Variants in PRPH2 observed in about 807,000 individuals in gnomAD.
PRPH2 encodes peripherin-2.
PRPH2 carries 17 observed loss-of-function variants against 31.3 expected under a neutral mutation model. The ratio of observed to expected loss-of-function variants is 0.54; its 90% CI spans 0.37 to 0.81. The LOEUF is 0.81. PRPH2 is among the 40% of genes least tolerant of loss of function. PRPH2 has a pLI of 0.00. For synonymous variants in PRPH2, 165 were observed against 184.4 expected, an observed-to-expected ratio of 0.89 and a Z score of 0.85; for missense variants, 430 against 439.7, an observed-to-expected ratio of 0.98 and a Z score of 0.20.
Position 42,704,533 on chromosome 6 carries a change from C to G in PRPH2, c.660G>C (p.Arg220=). 6.2e-7 allele frequency: 1 copy of G among 1,614,156 alleles called. No homozygotes were observed. The highest frequency in any genetic ancestry group is 1.1e-5 in the South Asian group (1 of 91,078). The change falls in exon 2 of 3, where the codon CGG becomes CGC. Residue 220 remains arginine (R), a synonymous_variant. Coordinates refer to ENST00000230381, the MANE Select transcript of PRPH2 (RefSeq NM_000322.5). ...PFSCCNPSSP[R]PCIQYQITNN... The stretch of plus-strand genomic sequence containing the variant: ...TGGTGATCTGATACTGGATGCAGGG[C>G]CGTGGCGAGCTAGGATTGCAGCAGC...
At chr6:42,716,110 G>A (rs1018248728) in intron 1 of PRPH2, among the ~76,000 whole-genome samples, 4 of 152,202 alleles carry the variant, frequency 2.6e-5, no homozygotes, top group African/African-American at 9.7e-5. Flanking sequence ...TGTCAGAGGA[G>A]GATCCCTGTG....
intron 1 of PRPH2, among the ~76,000 whole-genome samples, chr6:42,706,232 C>G (rs1342274656): frequency 6.6e-6 from 1 of 151,702 alleles, no homozygotes; most frequent in Non-Finnish European, 1.5e-5. Flanking sequence ...GGTGAAACCC[C>G]GTCTCTACTA....
chr6:42,712,677 A>G (rs953375540), intron 1 of PRPH2, among the ~76,000 whole-genome samples: 4 of 151,464 alleles, frequency 2.6e-5, no homozygotes, highest in African/African-American at 9.7e-5. Flanking sequence ...TCAGCTTCCC[A>G]AAGTGCTGGG....
rs1052492384 is a variant in PRPH2 at position 42,698,397 on chromosome 6, C to T, written c.939G>A (p.Pro313=). ...SQGWLLERSV[P]ETWKAFLESV... ...TCTCCAGAAAGGCCTTCCAGGTCTC[C>T]GGCACGCTCCTCTCCAGCAGCCAGC... The change falls in exon 3 of 3, where the codon CCG becomes CCA. Residue 313 remains proline (P), a synonymous_variant. Coordinates refer to ENST00000230381, the MANE Select transcript of PRPH2 (RefSeq NM_000322.5). 1.4e-5 allele frequency: 23 copies of T among 1,613,876 alleles called. No homozygotes were observed. The highest frequency in any genetic ancestry group is 1.9e-5 in the Non-Finnish European group (23 of 1,179,780).
At chr6:42,716,707 G>A (rs369853860) in intron 1 of PRPH2, among the ~76,000 whole-genome samples, 1 of 137,002 alleles carries the variant, frequency 7.3e-6, no homozygotes, top group Non-Finnish European at 1.5e-5. Context: ...TGCAATCTCC[G>A]CCTCCCAGAT....
intron 1 of PRPH2, among the ~76,000 whole-genome samples, chr6:42,707,437 C>T (rs561058073): frequency 6.6e-6 from 1 of 152,174 alleles, no homozygotes; most frequent in East Asian, 1.9e-4. Flanking sequence ...GGTGATCTTG[C>T]CAGATACCTG....
At chr6:42,698,669 C>T (rs1799992275) in intron 2 of PRPH2, among the ~76,000 whole-genome samples, 162 bp from the exon 3 acceptor site, 1 of 152,158 alleles carries the variant, frequency 6.6e-6, no homozygotes, top group Non-Finnish European at 1.5e-5. Context: ...GCCCTGTCCT[C>T]AGTGCTCAAC....
At chr6:42,705,052 A>C (rs1800129238) in intron 1 of PRPH2, among the ~76,000 whole-genome samples, 1 of 152,152 alleles carries the variant, frequency 6.6e-6, no homozygotes, top group African/African-American at 2.4e-5. Flanking sequence ...CTTTCCAGCC[A>C]GGTGTTTCCA....
chr6:42,712,058 C>T (rs770792553), intron 1 of PRPH2: 26 of 724,016 alleles, frequency 3.6e-5, no homozygotes, highest in Admixed American at 1.3e-4. Flanking sequence ...CTGATCCAAC[C>T]ATACCTCGAC....
chr6:42,716,334 A>G (rs1582775280), intron 1 of PRPH2, among the ~76,000 whole-genome samples: 1 of 151,744 alleles, frequency 6.6e-6, no homozygotes, highest in East Asian at 1.9e-4. Flanking sequence ...CTGAGGTGGG[A>G]TGGTTGCTTG....
chr6:42,708,580 C>T (rs1007545813), intron 1 of PRPH2, among the ~76,000 whole-genome samples: 11 of 152,156 alleles, frequency 7.2e-5, no homozygotes, highest in Non-Finnish European at 1.3e-4. Flanking sequence ...CTCCCTTCTT[C>T]CCCCAAGACC....
chr6:42,705,329 G>C (rs1397042782), intron 1 of PRPH2, among the ~76,000 whole-genome samples: 11 of 151,882 alleles, frequency 7.2e-5, no homozygotes, highest in Non-Finnish European at 1.5e-5. Context: ...ACAGTGAAAA[G>C]TCTCCCCTTC....
chr6:42,708,327 C>A (rs1405615155), intron 1 of PRPH2, among the ~76,000 whole-genome samples: 1 of 152,256 alleles, frequency 6.6e-6, no homozygotes, highest in Non-Finnish European at 1.5e-5. Flanking sequence ...CTGCCCACCA[C>A]TCAAAGCCCC....
In PRPH2 at chr6:42,721,926, C is replaced by T. The variant is rs781256236; in HGVS notation, c.409G>A (p.Gly137Ser). ...TCTGTGTCCCGGTAGTACTTCATGCCGTTCTTGAGCCCTTGGCCCAGGGTG... is the reference window on the plus strand; with the variant it reads ...TCTGTGTCCCGGTAGTACTTCATGCTGTTCTTGAGCCCTTGGCCCAGGGTG... Reference protein sequence around the residue: ...ENTLGQGLKNGMKYYRDTDTP... With the variant: ...ENTLGQGLKNSMKYYRDTDTP... Residue 137 changes from glycine to serine, a missense_variant, in exon 1 of 3, where the codon GGC becomes AGC. Coordinates refer to ENST00000230381, the MANE Select transcript of PRPH2 (RefSeq NM_000322.5). 19 of 1,614,056 alleles carry T rather than the reference C, an allele frequency of 1.2e-5. No individual in the cohort carries two copies. Among genetic ancestry groups the T allele is most frequent in the African/African-American group, 2.7e-5 (2 of 74,918 alleles).
At chr6:42,705,599 A>AATATATATATATATATATATATAT (rs1194169404) in intron 1 of PRPH2, among the ~76,000 whole-genome samples, 9 of 21,390 alleles carry the variant, frequency 4.2e-4, no homozygotes, top group East Asian at 1.6e-3. Flanking sequence ...AAAAAAAAAA[A>AATATATATATATATATATATATAT]ATATATATAT....
intron 1 of PRPH2, among the ~76,000 whole-genome samples, chr6:42,713,919 C>CAAAA (rs55805454): frequency 7.9e-5 from 3 of 38,130 alleles, no homozygotes; most frequent in African/African-American, 2.0e-4. Context: ...GACTCCATCT[C>CAAAA]AAAAAAAAAA....
At chr6:42,720,795 G>A (rs565501138) in intron 1 of PRPH2, among the ~76,000 whole-genome samples, 5 of 152,280 alleles carry the variant, frequency 3.3e-5, no homozygotes, top group East Asian at 1.9e-4. Flanking sequence ...GAGGGAAAGC[G>A]GCTGCCTCAA....
chr6:42,704,368 G>C lies in PRPH2; in HGVS notation c.825C>G (p.Phe275Leu). 1 of 1,608,128 alleles carries C rather than the reference G, an allele frequency of 6.2e-7. No individual in the cohort carries two copies. The highest frequency in any genetic ancestry group is 2.2e-5 in the East Asian group (1 of 44,556). ...MGVVTLLIWL[F>L]EVTITIGLRY... is the part of the protein sequence containing the mutation. The stretch of plus-strand genomic sequence containing the variant: ...CCCCAGCTGGCCCAGGGCCTACCTC[G>C]AAGAGCCAAATGAGGAGCGTGACGA... Residue 275 changes from phenylalanine (F) to leucine (L), a missense_variant, in exon 2 of 3, where the codon TTC (phenylalanine) becomes TTG (leucine). Phe to Leu is a conservative substitution (Grantham distance 22, BLOSUM62 0). Transcript: ENST00000230381.
chr6:42,704,325 G>T, intron 2 of PRPH2, 40 bp downstream of exon 2: 2 of 1,593,222 alleles, frequency 1.3e-6, no homozygotes, highest in Non-Finnish European at 1.7e-6. Flanking sequence ...GGGACCGGAG[G>T]CTCTCCTTAC....
Sources: gnomAD v4.1 joint callset for allele counts (sites outside exome capture counted in the v4.1 genomes callset) on GRCh38, gnomAD v4.1.1 for gene constraint, MANE v1.5 for transcripts, NCBI Gene and HGNC (gene_info 2026-07-23, HGNC 2026-07-21) for gene names.